The following IFT25 variants were observed in gnomAD, a reference collection of about 807,000 sequenced individuals.
IFT25 encodes intraflagellar transport protein 25 homolog.
the IFT25 span, chr1:53,921,853 C>A: frequency 1.3e-6 from 1 of 787,822 alleles, no homozygotes. Context: ...CAGCTTGATG[C>A]AAGAGTAATA....
chr1:53,938,276 C>T, the IFT25 span, among the ~76,000 whole-genome samples: 1 of 152,116 alleles, frequency 6.6e-6, no homozygotes, highest in African/African-American at 2.4e-5. Context: ...TGTGTGTAGA[C>T]TTTGATTACT....
chr1:53,937,496 G>C, the IFT25 span, among the ~76,000 whole-genome samples: 40 of 152,148 alleles, frequency 2.6e-4, no homozygotes, highest in African/African-American at 9.7e-4. Flanking sequence ...AGTCCCCGAT[G>C]TATTCTGTTC....
At chr1:53,944,320 A>G in the IFT25 span, among the ~76,000 whole-genome samples, 1 of 152,304 alleles carries the variant, frequency 6.6e-6, no homozygotes, top group South Asian at 2.1e-4. Context: ...CCTGGGCAAC[A>G]TGGTGAAACC....
chr1:53,942,915 C>T, the IFT25 span, among the ~76,000 whole-genome samples: 4 of 152,060 alleles, frequency 2.6e-5, no homozygotes, highest in East Asian at 3.9e-4. Flanking sequence ...CTGGGTACTA[C>T]GTTTTAAGTA....
At chr1:53,923,240 A>G in the IFT25 span, among the ~76,000 whole-genome samples, 1 of 152,188 alleles carries the variant, frequency 6.6e-6, no homozygotes, top group African/African-American at 2.4e-5. Flanking sequence ...CTTAATGGAT[A>G]AGGTACTATT....
At chr1:53,919,655 C>A in the IFT25 span, among the ~76,000 whole-genome samples, 1 of 152,230 alleles carries the variant, frequency 6.6e-6, no homozygotes, top group African/African-American at 2.4e-5. Context: ...CTAACTGATA[C>A]ACTGGTTAAT....
the IFT25 span, chr1:53,928,846 A>G: frequency 6.2e-6 from 1 of 161,802 alleles, no homozygotes; most frequent in Non-Finnish European, 1.3e-5. Context: ...TTTACTGGTG[A>G]GAAAACAGGT....
the IFT25 span, among the ~76,000 whole-genome samples, chr1:53,940,339 C>T: frequency 1.3e-5 from 2 of 151,050 alleles, no homozygotes; most frequent in African/African-American, 4.9e-5. Context: ...CCTAGCCAAA[C>T]AAAAAAACAA....
the IFT25 span, among the ~76,000 whole-genome samples, chr1:53,926,863 C>T: frequency 1.3e-5 from 2 of 152,074 alleles, no homozygotes; most frequent in Admixed American, 6.6e-5. Context: ...GCTACGATTA[C>T]AGGCACATGT....
the IFT25 span, among the ~76,000 whole-genome samples, chr1:53,944,813 C>T: frequency 6.6e-6 from 1 of 152,312 alleles, no homozygotes; most frequent in African/African-American, 2.4e-5. Flanking sequence ...ATCCTGTCTT[C>T]TAAACCAGTG....
chr1:53,920,392 C>A, the IFT25 span, among the ~76,000 whole-genome samples: 1 of 147,428 alleles, frequency 6.8e-6, no homozygotes, highest in Non-Finnish European at 1.5e-5. Context: ...CTCAAATTGC[C>A]CTTTTTTTTT....
At chr1:53,926,252 C>G in the IFT25 span, among the ~76,000 whole-genome samples, 4 of 151,954 alleles carry the variant, frequency 2.6e-5, no homozygotes, top group Admixed American at 2.6e-4. Flanking sequence ...CTCAAGTGAT[C>G]CTCCTTCCTC....
the IFT25 span, among the ~76,000 whole-genome samples, chr1:53,937,730 G>A: frequency 1.4e-4 from 21 of 152,128 alleles, no homozygotes; most frequent in Non-Finnish European, 2.1e-4. Flanking sequence ...CTTAGAAAAC[G>A]AATCTATCTC....
At chr1:53,935,215 A>T in the IFT25 span, among the ~76,000 whole-genome samples, 1 of 152,174 alleles carries the variant, frequency 6.6e-6, no homozygotes, top group African/African-American at 2.4e-5. Flanking sequence ...CGGGAGGCTG[A>T]GGCAGGAGAA....
At chr1:53,935,518 T>C in the IFT25 span, among the ~76,000 whole-genome samples, 1 of 150,734 alleles carries the variant, frequency 6.6e-6, no homozygotes, top group African/African-American at 2.5e-5. Context: ...TATGTAACTC[T>C]GTGAATAGGC....
At chr1:53,923,226 T>C in the IFT25 span, among the ~76,000 whole-genome samples, 1 of 152,184 alleles carries the variant, frequency 6.6e-6, no homozygotes, top group Non-Finnish European at 1.5e-5. Context: ...TGTGAAGAAG[T>C]AAACTTAATG....
the IFT25 span, among the ~76,000 whole-genome samples, chr1:53,927,173 CTTTT>C: frequency 2.0e-5 from 3 of 152,050 alleles, no homozygotes; most frequent in South Asian, 2.1e-4. Flanking sequence ...TGTGATCTTT[CTTTT>C]GTTACTTGTG....
the IFT25 span, among the ~76,000 whole-genome samples, chr1:53,940,480 C>G: frequency 3.3e-5 from 5 of 151,904 alleles, no homozygotes; most frequent in Non-Finnish European, 7.4e-5. Flanking sequence ...AAATAGAAAA[C>G]AAATAGCAAG....
chr1:53,920,394 T>C, the IFT25 span, among the ~76,000 whole-genome samples: 8 of 126,552 alleles, frequency 6.3e-5, no homozygotes, highest in South Asian at 4.5e-4. Flanking sequence ...CAAATTGCCC[T>C]TTTTTTTTTT....
Sources: allele counts gnomAD v4.1 joint callset (sites outside exome capture counted in the v4.1 genomes callset), GRCh38; gene constraint gnomAD v4.1.1; transcripts MANE v1.5; gene names NCBI Gene and HGNC (gene_info 2026-07-23, HGNC 2026-07-21).